Variants in DOK5 observed in about 807,000 individuals in gnomAD.
DOK5 encodes docking protein 5, also known as downstream of tyrosine kinase 5.
A neutral mutation model predicts 43.3 loss-of-function variants in DOK5; 27 were observed. The observed-to-expected ratio is 0.62, with a 90% CI of 0.46 to 0.86. The LOEUF (loss-of-function observed/expected upper bound fraction) is 0.86, where lower values mean the gene tolerates loss of function less well. Ranked by LOEUF, DOK5 falls within the 40% of genes least tolerant of loss-of-function variation. The pLI, the probability that DOK5 is intolerant of heterozygous loss-of-function variation, is 0.00. For synonymous variants in DOK5, 146 were observed against 140.1 expected, an observed-to-expected ratio of 1.04 and a Z score of -0.30; for missense variants, 373 against 392.9, an observed-to-expected ratio of 0.95 and a Z score of 0.43.
chr20:54,544,161 A>T (rs575000148), intron 1 of DOK5, among the ~76,000 whole-genome samples: 8 of 152,314 alleles, frequency 5.3e-5, no homozygotes, highest in African/African-American at 1.9e-4. Flanking sequence ...TTTTCTTTAC[A>T]GTAAATTTAA....
chr20:54,598,595 C>A lies in DOK5; in HGVS notation c.599+6790C>A, dbSNP rs73277002. Among the ~76,000 whole-genome samples, 1,390 of 152,282 alleles carry A rather than the reference C, an allele frequency of 9.1e-3. 20 individuals carry two copies. The highest frequency in any genetic ancestry group is 0.029 in the African/African-American group (1,211 of 41,544). On this transcript the variant is annotated intron_variant, in intron 5 of 7. Transcript: ENST00000262593. ...ACATCCTGACTGATTTAAATTAATACCCTGGGTTTCGCACCTGCAGGAGCC... is the reference window on the plus strand; with the variant it reads ...ACATCCTGACTGATTTAAATTAATAACCTGGGTTTCGCACCTGCAGGAGCC...
intron 2 of DOK5, 108 bp from the exon 3 acceptor site, chr20:54,588,375 G>T: frequency 2.4e-6 from 2 of 819,096 alleles, no homozygotes; most frequent in Admixed American, 2.0e-5. Flanking sequence ...TCAACAGGTT[G>T]TGCTCAGCTG....
chr20:54,533,180 T>G (rs1255086450), intron 1 of DOK5, among the ~76,000 whole-genome samples: 1 of 152,228 alleles, frequency 6.6e-6, no homozygotes, highest in Non-Finnish European at 1.5e-5. Flanking sequence ...GGGGCTGTTT[T>G]GTGCGTTGTA....
At chr20:54,645,834 T>C (rs770659010) in intron 7 of DOK5, among the ~76,000 whole-genome samples, 1 of 149,678 alleles carries the variant, frequency 6.7e-6, no homozygotes, top group East Asian at 2.0e-4. Context: ...GAATGCATAA[T>C]GTTAAGAAAG....
intron 6 of DOK5, among the ~76,000 whole-genome samples, chr20:54,632,937 C>T (rs916282540): frequency 1.3e-5 from 2 of 152,170 alleles, no homozygotes; most frequent in Middle Eastern, 3.4e-3. Context: ...ATTAGCCAGG[C>T]GTGGTGGTGC....
At chr20:54,605,522 T>TA (rs1413470676) in intron 5 of DOK5, among the ~76,000 whole-genome samples, 3 of 152,236 alleles carry the variant, frequency 2.0e-5, no homozygotes, top group Admixed American at 6.5e-5. Flanking sequence ...TGGCTTCACT[T>TA]ACCTGTGTCC....
At chr20:54,526,702 A>G (rs1162943069) in intron 1 of DOK5, among the ~76,000 whole-genome samples, 1 of 152,212 alleles carries the variant, frequency 6.6e-6, no homozygotes, top group East Asian at 1.9e-4. Context: ...AATACCTGGA[A>G]CACCTCCATT....
chr20:54,517,964 T>C (rs1983257915), intron 1 of DOK5, among the ~76,000 whole-genome samples: 1 of 152,148 alleles, frequency 6.6e-6, no homozygotes, highest in Non-Finnish European at 1.5e-5. Flanking sequence ...TTATAAGCCA[T>C]CCAGTTTATG....
chr20:54,638,884 T>C (rs1332492694), intron 6 of DOK5, among the ~76,000 whole-genome samples: 1 of 151,788 alleles, frequency 6.6e-6, no homozygotes, highest in East Asian at 1.9e-4. Context: ...GTTTCAACCA[T>C]GTTGGCCAGG....
chr20:54,479,060 A>G (rs1253830639), intron 1 of DOK5, among the ~76,000 whole-genome samples: 1 of 152,092 alleles, frequency 6.6e-6, no homozygotes, highest in Non-Finnish European at 1.5e-5. Context: ...TATAATATAT[A>G]ATATACGTAT....
intron 6 of DOK5, among the ~76,000 whole-genome samples, chr20:54,619,027 A>ATT (rs1986903833): frequency 1.9e-4 from 4 of 21,300 alleles, no homozygotes; most frequent in African/African-American, 1.2e-3. Context: ...AATAAATTAT[A>ATT]TATATATATA....
intron 1 of DOK5, chr20:54,476,219 A>G (rs550218034): frequency 1.3e-5 from 13 of 985,076 alleles, no homozygotes; most frequent in Middle Eastern, 5.2e-4. Context: ...CTCTTGGATG[A>G]CTTGGCTTTC....
intron 5 of DOK5, among the ~76,000 whole-genome samples, chr20:54,595,035 G>A (rs565100907): frequency 7.9e-5 from 12 of 152,194 alleles, no homozygotes; most frequent in Non-Finnish European, 1.5e-4. Flanking sequence ...TGTATGTGAT[G>A]TAATTGTGTT....
chr20:54,650,353 C>A lies in DOK5; in HGVS notation c.857-62C>A. On this transcript the variant is annotated intron_variant, in intron 7 of 7. Coordinates refer to ENST00000262593, the MANE Select transcript of DOK5 (RefSeq NM_018431.5). ...TCTGTTATAGAGAAAGTTGTTGCCACCTAATTTGATTGTGGGCTTTCTTGA... is the reference window on the plus strand; with the variant it reads ...TCTGTTATAGAGAAAGTTGTTGCCAACTAATTTGATTGTGGGCTTTCTTGA... 5 of 1,545,626 alleles carry A rather than the reference C, an allele frequency of 3.2e-6. No individual in the cohort carries two copies. In the South Asian group the frequency reaches 5.7e-5, roughly 18 times the overall value.
chr20:54,588,439 A>T, intron 2 of DOK5, 44 bp from the exon 3 acceptor site: 1 of 1,539,780 alleles, frequency 6.5e-7, no homozygotes, highest in Non-Finnish European at 9.0e-7. Flanking sequence ...TACTGGAGAC[A>T]TTCATTCAGG....
At chr20:54,650,371 T>G in intron 7 of DOK5, 44 bp from the exon 8 acceptor site, 1 of 1,596,460 alleles carries the variant, frequency 6.3e-7, no homozygotes, top group Non-Finnish European at 8.6e-7. Flanking sequence ...GATTGTGGGC[T>G]TTCTTGAAAT....
At chr20:54,496,051 G>A (rs921275579) in intron 1 of DOK5, among the ~76,000 whole-genome samples, 3 of 152,206 alleles carry the variant, frequency 2.0e-5, no homozygotes, top group Non-Finnish European at 4.4e-5. Flanking sequence ...CGTGTGTGAA[G>A]GAGATTGGAC....
chr20:54,634,416 C>CAACTAATTCA (rs1978720200), intron 6 of DOK5, among the ~76,000 whole-genome samples: 1 of 146,426 alleles, frequency 6.8e-6, no homozygotes, highest in Non-Finnish European at 1.5e-5. Context: ...AGTAGCCACT[C>CAACTAATTCA]AACTAATTCA....
intron 5 of DOK5, among the ~76,000 whole-genome samples, chr20:54,608,105 C>A (rs538322180): frequency 1.3e-5 from 2 of 152,180 alleles, no homozygotes; most frequent in South Asian, 4.2e-4. Context: ...ACATTTCCTA[C>A]GGCGGGTTGC....
Sources: gnomAD v4.1 joint callset for allele counts (sites outside exome capture counted in the v4.1 genomes callset) on GRCh38, gnomAD v4.1.1 for gene constraint, MANE v1.5 for transcripts, NCBI Gene and HGNC (gene_info 2026-07-23, HGNC 2026-07-21) for gene names.